Variants in ADAMTS19 observed in about 807,000 individuals in gnomAD.
The protein encoded by ADAMTS19 is ADAM metallopeptidase with thrombospondin type 1 motif 19.
In ADAMTS19, 93 loss-of-function variants were observed where a neutral mutation model predicts 153.3. The observed-to-expected ratio is 0.61, with a 90% CI of 0.51 to 0.72. The LOEUF (loss-of-function observed/expected upper bound fraction) is 0.72. Ranked by LOEUF, ADAMTS19 falls within the 30% of genes least tolerant of loss-of-function variation. ADAMTS19 has a pLI of 0.00. For synonymous variants in ADAMTS19, 600 were observed against 556.6 expected (o/e 1.08, Z -1.10); for missense variants, 1,482 against 1,552.1 (o/e 0.95, Z 0.76).
At chr5:129,580,311 C>T in intron 7 of ADAMTS19, among the ~76,000 whole-genome samples, 1 of 152,134 alleles carries the variant, frequency 6.6e-6, no homozygotes, top group East Asian at 1.9e-4. Flanking sequence ...GCTGAAGCTG[C>T]TTATTACCTT....
At chr5:129,537,766 G>A (rs201020057) in intron 6 of ADAMTS19, among the ~76,000 whole-genome samples, 1 of 151,912 alleles carries the variant, frequency 6.6e-6, no homozygotes, top group African/African-American at 2.4e-5. Flanking sequence ...TCACACACTG[G>A]GGCCTGTTGT....
chr5:129,501,966 G>C (rs2126711685), intron 2 of ADAMTS19, among the ~76,000 whole-genome samples: 1 of 152,190 alleles, frequency 6.6e-6, no homozygotes, highest in East Asian at 1.9e-4. Context: ...TATGACTGAA[G>C]TGAAACAAGG....
At chr5:129,539,599 G>A (rs571929322) in intron 6 of ADAMTS19, among the ~76,000 whole-genome samples, 1 of 151,934 alleles carries the variant, frequency 6.6e-6, no homozygotes, top group Non-Finnish European at 1.5e-5. Flanking sequence ...ATTTGTGAGG[G>A]GGAGCTGACA....
At chr5:129,569,947 A>G (rs913660964) in intron 7 of ADAMTS19, among the ~76,000 whole-genome samples, 1 of 151,932 alleles carries the variant, frequency 6.6e-6, no homozygotes, top group African/African-American at 2.4e-5. Context: ...CACTCATATC[A>G]ACCAGAAGGA....
At chr5:129,486,094 A>G (rs1750582682) in intron 2 of ADAMTS19, among the ~76,000 whole-genome samples, 1 of 152,124 alleles carries the variant, frequency 6.6e-6, no homozygotes, top group South Asian at 2.1e-4. Context: ...CCTGGCCTAT[A>G]ATTGAATTTC....
intron 19 of ADAMTS19, among the ~76,000 whole-genome samples, chr5:129,696,404 A>T (rs1489532284): frequency 6.6e-6 from 1 of 152,188 alleles, no homozygotes; most frequent in Non-Finnish European, 1.5e-5. Context: ...GAAGAGCGAA[A>T]CTACATCTAA....
intron 18 of ADAMTS19, among the ~76,000 whole-genome samples, chr5:129,690,228 G>T (rs1029671486): frequency 6.6e-6 from 1 of 152,208 alleles, no homozygotes; most frequent in African/African-American, 2.4e-5. Flanking sequence ...AGTGATAAAG[G>T]AAGATATAGA....
chr5:129,621,831 A>C (rs1751788766), intron 9 of ADAMTS19, among the ~76,000 whole-genome samples: 1 of 152,184 alleles, frequency 6.6e-6, no homozygotes, highest in East Asian at 1.9e-4. Flanking sequence ...TTAAATCCCC[A>C]AATATAGCTG....
rs773261226 is a variant in ADAMTS19 at position 129,687,710 on chromosome 5, C to T, written c.2818+3437C>T. ...GTAGAGCCAGGATTAGAATCAATGA[C>T]TCAGGGGTTCAAGTCTTCTTTCCTG... On this transcript the variant is annotated intron_variant, in intron 18 of 22. Transcript: ENST00000274487. 2.4e-4 allele frequency among the ~76,000 whole-genome samples: 37 copies of T among 152,176 alleles called. 2 individuals are homozygous for T. Among genetic ancestry groups the T allele is most frequent in the Non-Finnish European group, 4.9e-4 (33 of 68,030 alleles).
intron 3 of ADAMTS19, among the ~76,000 whole-genome samples, chr5:129,513,030 T>C (rs1751490230): frequency 6.6e-6 from 1 of 151,946 alleles, no homozygotes; most frequent in Non-Finnish European, 1.5e-5. Context: ...CTGACTTCCA[T>C]ATATATGTAA....
At chr5:129,509,417 A>G (rs1751364233) in intron 3 of ADAMTS19, among the ~76,000 whole-genome samples, 175 bp downstream of exon 3, 1 of 152,036 alleles carries the variant, frequency 6.6e-6, no homozygotes, top group East Asian at 1.9e-4. Context: ...ATGAAGCACT[A>G]CATTTTAATA....
intron 21 of ADAMTS19, among the ~76,000 whole-genome samples, chr5:129,727,091 T>C (rs78398858): frequency 0.019 from 2,962 of 152,282 alleles, 98 homozygotes; most frequent in African/African-American, 0.067. Flanking sequence ...ATGAGAAAGA[T>C]AACCAAGATA....
chr5:129,498,231 G>A (rs956938396), intron 2 of ADAMTS19, among the ~76,000 whole-genome samples: 1 of 151,978 alleles, frequency 6.6e-6, no homozygotes, highest in Non-Finnish European at 1.5e-5. Flanking sequence ...AACAAGTCTT[G>A]TGTCTCTCCA....
Position 129,636,300 on chromosome 5 carries a change from C to A in ADAMTS19, c.1771-5559C>A, listed in dbSNP as rs183305841. ...GTTCACAGTTTATAGTTGATACCTA[C>A]AAGAGGGTTGGTTTTTTGAGAAATT... On this transcript the variant is annotated intron_variant, in intron 10 of 22. Transcript: ENST00000274487. 3.0e-3 allele frequency among the ~76,000 whole-genome samples: 463 copies of A among 152,304 alleles called. 8 individuals carry two copies. The highest frequency in any genetic ancestry group is 0.017 in the Middle Eastern group (5 of 294).
At chr5:129,583,373 T>A (rs889604974) in intron 7 of ADAMTS19, among the ~76,000 whole-genome samples, 1 of 152,148 alleles carries the variant, frequency 6.6e-6, no homozygotes, top group African/African-American at 2.4e-5. Flanking sequence ...TTGGTGAATC[T>A]GACGATTATG....
chr5:129,682,082 C>A (rs1298888494), intron 17 of ADAMTS19, among the ~76,000 whole-genome samples: 1 of 152,046 alleles, frequency 6.6e-6, no homozygotes, highest in African/African-American at 2.4e-5. Context: ...ATATGTGAGA[C>A]CTTAGTGTTG....
chr5:129,722,941 C>A (rs143897812), intron 21 of ADAMTS19, among the ~76,000 whole-genome samples: 1 of 152,266 alleles, frequency 6.6e-6, no homozygotes, highest in East Asian at 1.9e-4. Context: ...ACAATAATGT[C>A]AGAGTTAAGA....
At chr5:129,609,855 G>A (rs1292482653) in intron 8 of ADAMTS19, among the ~76,000 whole-genome samples, 1 of 152,116 alleles carries the variant, frequency 6.6e-6, no homozygotes, top group Non-Finnish European at 1.5e-5. Flanking sequence ...GAGTAAAGCA[G>A]GCAATCTTCC....
chr5:129,683,839 T>C (rs1754940248), intron 17 of ADAMTS19, among the ~76,000 whole-genome samples: 1 of 149,644 alleles, frequency 6.7e-6, no homozygotes, highest in Non-Finnish European at 1.5e-5. Context: ...AATGATCTAG[T>C]ATGTCTGACC....
Sources: allele counts gnomAD v4.1 joint callset (sites outside exome capture counted in the v4.1 genomes callset), GRCh38; gene constraint gnomAD v4.1.1; transcripts MANE v1.5; gene names NCBI Gene and HGNC (gene_info 2026-07-23, HGNC 2026-07-21).